Variants in KLHL23 observed in about 807,000 individuals in gnomAD.
KLHL23 encodes the protein kelch like family member 23, also known as kelch-like protein 23.
A neutral mutation model predicts 48.9 loss-of-function variants in KLHL23; 33 were observed. The ratio of observed to expected loss-of-function variants is 0.67; its 90% CI spans 0.51 to 0.90. KLHL23 has a LOEUF of 0.90. Among genes scored for constraint, KLHL23 ranks in the 40% least tolerant of loss-of-function variants. The probability of loss-of-function intolerance (pLI) is 0.00; values close to 1 mark genes in which losing one functional copy is unlikely to be tolerated. For missense variants in KLHL23, 608 were observed against 669.6 expected, an observed-to-expected ratio of 0.91 and a Z score of 1.02; for synonymous variants, 234 against 231.6, an observed-to-expected ratio of 1.01 and a Z score of -0.09.
chr2:169,735,146 A>T lies in KLHL23; in HGVS notation c.132A>T (p.Ser44=). ...LFTDITLQCP[S]GIIFHCHRAV... ...CTGATATTACTCTTCAGTGTCCTTC[A>T]GGCATAATTTTCCATTGTCACCGAG... Residue 44 remains serine, a synonymous_variant, in exon 2 of 4, where the codon TCA becomes TCT. Coordinates refer to ENST00000392647, the MANE Select transcript of KLHL23 (RefSeq NM_144711.6). The surrounding 1 kb of genome is among the most constrained non-coding windows in gnomAD (Gnocchi z 4.5). The T allele has an allele frequency of 3.1e-6, 5 of 1,613,468 alleles. No individual in the cohort carries two copies. The highest frequency in any genetic ancestry group is 3.4e-6 in the Non-Finnish European group (4 of 1,179,902).
rs1383545224 is a variant in KLHL23, at chr2:169,751,442, A to T, written c.*1710A>T. The T allele has an allele frequency of 6.6e-6, 1 of 152,272 alleles. No homozygotes were observed. Among genetic ancestry groups the T allele is most frequent in the Non-Finnish European group, 1.5e-5 (1 of 68,052 alleles). 9.4% of individuals were successfully genotyped at this position (152,272 alleles called of 1,614,324 possible). A position where few individuals can be genotyped will look rare whatever the true frequency, so the allele number is the denominator to read the frequency against. On this transcript the variant is annotated 3_prime_UTR_variant, in exon 4 of 4. Coordinates refer to ENST00000392647, the MANE Select transcript of KLHL23 (RefSeq NM_144711.6). Reference sequence around the variant, plus strand: ...TTGGAAACACAATATGGTACTACATAGCAAGGGCTGTAAAAATGACCATAT... The same window carrying T: ...TTGGAAACACAATATGGTACTACATTGCAAGGGCTGTAAAAATGACCATAT...
chr2:169,744,142 T>C (rs1334751412), intron 3 of KLHL23, among the ~76,000 whole-genome samples: 3 of 152,202 alleles, frequency 2.0e-5, no homozygotes, highest in African/African-American at 7.2e-5. Flanking sequence ...TGTAAGATGA[T>C]TAAGTGTTAG....
rs193126199 is a variant in KLHL23, at chr2:169,741,583, A to T, written c.1366+46A>T. On this transcript the variant is annotated intron_variant, in intron 3 of 3. Transcript: ENST00000392647. ...AATAGTGTATGTTGTGATGTAGTTTAGTAGCATAAAGGATGGCTAAAAATG... is the reference window on the plus strand; with the variant it reads ...AATAGTGTATGTTGTGATGTAGTTTTGTAGCATAAAGGATGGCTAAAAATG... The T allele has an allele frequency of 1.3e-3, 2,027 of 1,548,904 alleles. 19 individuals are homozygous for T. The African/African-American group carries it at 0.021, about 16-fold the overall frequency.
In KLHL23 at chr2:169,749,971, A is replaced by ATGTGTATATATAGTATGTATGTATACATG. The variant is rs1416124260; in HGVS notation, c.*240_*241insGTGTATATATAGTATGTATGTATACATGT. 1 of 140,314 alleles carries ATGTGTATATATAGTATGTATGTATACATG rather than the reference A, an allele frequency of 7.1e-6. No homozygotes were observed. The highest frequency in any genetic ancestry group is 9.4e-5 in the Admixed American group (1 of 10,622). The allele number at this position is 140,314 out of a possible 1,614,324, so 8.7% of individuals were successfully genotyped here. A position where few individuals can be genotyped will look rare whatever the true frequency, so the allele number is the denominator to read the frequency against. On this transcript the variant is annotated 3_prime_UTR_variant, in exon 4 of 4. Coordinates refer to ENST00000392647, the MANE Select transcript of KLHL23 (RefSeq NM_144711.6). ...TGTGTTCATATATATGTATACATATATATGTGTATATATACGTATGTATAC... is the reference window on the plus strand; with the variant it reads ...TGTGTTCATATATATGTATACATATATGTGTATATATAGTATGTATGTATACATGTATGTGTATATATACGTATGTATAC...
At position 169,749,749 on chromosome 2, in the gene KLHL23, G is replaced by A; in HGVS notation, c.*17G>A. On this transcript the variant is annotated 3_prime_UTR_variant, in exon 4 of 4. Transcript: ENST00000392647. ...AATGTCTAATTGAATCTGCAGAAAT[G>A]ACCAAGCAATCACTTTTTTGGAGTA... 1.3e-6 allele frequency: 2 copies of A among 1,570,586 alleles called. No homozygotes were observed. Among genetic ancestry groups the A allele is most frequent in the Non-Finnish European group, 1.7e-6 (2 of 1,153,366 alleles).
At chr2:169,749,367 T>C (rs1236688425) in intron 3 of KLHL23, 55 bp from the exon 4 acceptor site, 1 of 1,466,266 alleles carries the variant, frequency 6.8e-7, no homozygotes, top group African/African-American at 1.4e-5. Context: ...CTGTGGAATC[T>C]CTTTTGTTTG....
At chr2:169,740,701 A>G (rs1196325580) in intron 2 of KLHL23, among the ~76,000 whole-genome samples, 1 of 146,676 alleles carries the variant, frequency 6.8e-6, no homozygotes, top group East Asian at 2.0e-4. Flanking sequence ...ACCCACCTTG[A>G]CCTCCCAAAG....
chr2:169,746,653 A>C (rs1033254557), intron 3 of KLHL23, among the ~76,000 whole-genome samples: 1 of 152,224 alleles, frequency 6.6e-6, no homozygotes, highest in African/African-American at 2.4e-5. Context: ...TCCTATCCAC[A>C]ACAATAGAAC....
chr2:169,737,619 C>CT (rs1553476626), intron 2 of KLHL23, among the ~76,000 whole-genome samples: 3,378 of 142,576 alleles, frequency 0.024, 52 homozygotes, highest in Admixed American at 0.034. Flanking sequence ...TTTTCTTTTT[C>CT]TTTTTTTTTT....
At position 169,735,193 on chromosome 2, in the gene KLHL23, A is replaced by G. The variant is rs781160885; in HGVS notation, c.179A>G (p.Asn60Ser). ...CGAGCCGTTTTAGCTGCTTGCAGCA[A>G]TTATTTTAAGGCAATGTTCACAGCT... is the stretch of plus-strand genomic sequence containing the variant. ...CHRAVLAACS[N>S]YFKAMFTADM... The change falls in exon 2 of 4, where the codon AAT becomes AGT. Residue 60 changes from asparagine (N) to serine (S), a missense_variant. This residue lies in a region of KLHL23 where 419 missense variants were observed against 473.1 expected (regional missense o/e 0.89). Transcript: ENST00000392647. The surrounding 1 kb of genome is among the most constrained non-coding windows in gnomAD (Gnocchi z 4.5). 6 of 1,610,394 alleles carry G rather than the reference A, an allele frequency of 3.7e-6. No homozygotes were observed. In the Admixed American group the frequency reaches 5.1e-5, roughly 14 times the overall value.
rs1032620931 is a variant in KLHL23, at chr2:169,750,284, CTG to C, written c.*553_*554del. On this transcript the variant is annotated 3_prime_UTR_variant, in exon 4 of 4. Transcript: ENST00000392647. The stretch of plus-strand genomic sequence containing the variant: ...TCTTTTCCTCTTGGTAGCATCAACA[CTG>C]GGGATAAATCAGAACCATTCTGTGG... 2.0e-5 allele frequency: 3 copies of C among 152,412 alleles called. No homozygotes were observed. Among genetic ancestry groups the C allele is most frequent in the Non-Finnish European group, 2.9e-5 (2 of 67,968 alleles). The allele number at this position is 152,412 out of a possible 1,614,324, so 9.4% of individuals were successfully genotyped here.
rs1558951949 is a variant in KLHL23, at chr2:169,749,912, C to CA, written c.*180_*181insA. The CA allele has an allele frequency of 8.1e-4, 210 of 259,984 alleles. 6 individuals carry two copies. The African/African-American group carries it at 0.012, about 14-fold the overall frequency. The allele number at this position is 259,984 out of a possible 1,614,324, so 16.1% of individuals were successfully genotyped here. A position where few individuals can be genotyped will look rare whatever the true frequency, so the allele number is the denominator to read the frequency against. On this transcript the variant is annotated 3_prime_UTR_variant, in exon 4 of 4. Transcript: ENST00000392647. Reference sequence around the variant, plus strand: ...ATGGTGATTCATGGTCAAGAAAAATCTTATATATATATATATATACACACA... The same window carrying CA: ...ATGGTGATTCATGGTCAAGAAAAATCATTATATATATATATATATACACACA...
At chr2:169,741,821 A>G (rs4233831) in intron 3 of KLHL23, among the ~76,000 whole-genome samples, 124,166 of 152,172 alleles carry the variant, frequency 0.82, 50,925 homozygotes, top group Non-Finnish European at 0.85. Context: ...TTTCCTTTAT[A>G]TGCCATCTTT....
At chr2:169,747,967 T>C (rs759369423) in intron 3 of KLHL23, among the ~76,000 whole-genome samples, 2 of 151,998 alleles carry the variant, frequency 1.3e-5, no homozygotes, top group Non-Finnish European at 2.9e-5. Flanking sequence ...TCTACAAAAA[T>C]ACAAAAATTA....
At position 169,735,430 on chromosome 2, in the gene KLHL23, G is replaced by T; in HGVS notation, c.416G>T (p.Cys139Phe). ...GTAAGGCACTTGGATATTGATAATT[G>T]TATTGGAATGCACTCCTTTGCAGAA... ...FLVRHLDIDN[C>F]IGMHSFAEFH... Residue 139 changes from cysteine (C) to phenylalanine (F), a missense_variant, in exon 2 of 4, where the codon TGT (cysteine) becomes TTT (phenylalanine). Around this residue, in one of 3 missense-constraint regions of KLHL23, gnomAD observed 419 missense variants for 473.1 expected, o/e 0.89. Coordinates refer to ENST00000392647, the MANE Select transcript of KLHL23 (RefSeq NM_144711.6). This position sits in a 1 kb window ranked among gnomAD's most constrained non-coding sequence, Gnocchi z 4.5. The T allele has an allele frequency of 6.2e-7, 1 of 1,613,958 alleles. No individual in the cohort carries two copies. The highest frequency in any genetic ancestry group is 8.5e-7 in the Non-Finnish European group (1 of 1,180,014).
chr2:169,749,678 T>G lies in KLHL23; in HGVS notation c.1623T>G (p.Gly541=). 2 of 1,613,908 alleles carry G rather than the reference T, an allele frequency of 1.2e-6. No homozygotes were observed. Among genetic ancestry groups the G allele is most frequent in the Non-Finnish European group, 1.7e-6 (2 of 1,179,862 alleles). ...ATCTTAATAAGTGGGAAATAGTGGG[T>G]AATCTTCCCAGTGCCATGCGGTCTC... ...DPDLNKWEIV[G]NLPSAMRSHG... Residue 541 remains glycine, a synonymous_variant, in exon 4 of 4, where the codon GGT becomes GGG. Coordinates refer to ENST00000392647, the MANE Select transcript of KLHL23 (RefSeq NM_144711.6).
rs72113382 is a variant in KLHL23 at position 169,749,913 on chromosome 2, TTATATATA to T, written c.*192_*199del. ...TGGTGATTCATGGTCAAGAAAAATC[TTATATATA>T]TATATATATACACACACACATATAT... On this transcript the variant is annotated 3_prime_UTR_variant, in exon 4 of 4. Coordinates refer to ENST00000392647, the MANE Select transcript of KLHL23 (RefSeq NM_144711.6). 4.6e-6 allele frequency: 1 copy of T among 215,810 alleles called. No homozygotes were observed. The highest frequency in any genetic ancestry group is 8.4e-6 in the Non-Finnish European group (1 of 119,556). The allele number at this position is 215,810 out of a possible 1,614,324, so 13.4% of individuals were successfully genotyped here.
intron 3 of KLHL23, among the ~76,000 whole-genome samples, chr2:169,744,679 G>A (rs1300868057): frequency 1.3e-5 from 2 of 151,476 alleles, no homozygotes; most frequent in African/African-American, 4.9e-5. Context: ...CTGCCTCAAC[G>A]TCCCAAGTAG....
chr2:169,743,339 A>T (rs933653257), intron 3 of KLHL23, among the ~76,000 whole-genome samples: 2 of 152,236 alleles, frequency 1.3e-5, no homozygotes, highest in Non-Finnish European at 2.9e-5. Flanking sequence ...GTCACTTTGG[A>T]CTTAATCCAA....
Sources: allele counts gnomAD v4.1 joint callset (sites outside exome capture counted in the v4.1 genomes callset), GRCh38; gene constraint gnomAD v4.1.1; regional missense constraint gnomAD v4.1.1; non-coding constraint Gnocchi (gnomAD v3.1); transcripts MANE v1.5; gene names NCBI Gene and HGNC (gene_info 2026-07-23, HGNC 2026-07-21).